The following DCHS2 variants were observed in gnomAD, a reference collection of about 807,000 sequenced individuals.
DCHS2 encodes the protein protocadherin-23.
A neutral mutation model predicts 182.4 loss-of-function variants in DCHS2; 142 were observed. The ratio of observed to expected loss-of-function variants is 0.78; its 90% confidence interval spans 0.68 to 0.89. The LOEUF (loss-of-function observed/expected upper bound fraction) is 0.89. DCHS2 is among the 40% of genes least tolerant of loss of function. The pLI is 0.00. For synonymous variants in DCHS2, 1,740 were observed against 1,663.3 expected, an observed-to-expected ratio of 1.05 and a Z score of -1.12; for missense variants, 4,319 against 4,198.6, an observed-to-expected ratio of 1.03 and a Z score of -0.79.
intron 1 of DCHS2, among the ~76,000 whole-genome samples, chr4:154,431,079 G>C (rs1733539328): frequency 6.6e-6 from 1 of 152,094 alleles, no homozygotes; most frequent in Non-Finnish European, 1.5e-5. Flanking sequence ...TTTAGAATCA[G>C]CTTGTCAAAT....
intron 1 of DCHS2, among the ~76,000 whole-genome samples, chr4:154,389,877 C>T (rs990968837): frequency 6.6e-6 from 1 of 152,026 alleles, no homozygotes; most frequent in Non-Finnish European, 1.5e-5. Context: ...CAGAGCTCCT[C>T]TCTACCAAAC....
intron 1 of DCHS2, among the ~76,000 whole-genome samples, chr4:154,446,966 A>C (rs1358019225): frequency 6.6e-6 from 1 of 152,032 alleles, no homozygotes; most frequent in Non-Finnish European, 1.5e-5. Context: ...ACACGCACAC[A>C]CACACACACA....
chr4:154,266,926 G>A (rs1487813765), intron 14 of DCHS2, among the ~76,000 whole-genome samples: 1 of 151,990 alleles, frequency 6.6e-6, no homozygotes, highest in Admixed American at 6.6e-5. Context: ...AATTCTCATT[G>A]GCCTTCAATA....
intron 1 of DCHS2, among the ~76,000 whole-genome samples, chr4:154,469,341 T>C (rs1247292919): frequency 2.0e-5 from 3 of 152,082 alleles, no homozygotes; most frequent in Non-Finnish European, 4.4e-5. Context: ...CAATAATCTA[T>C]AATTACTGGA....
chr4:154,255,763 G>A (rs1043267192), intron 15 of DCHS2, 93 bp from the exon 16 acceptor site: 4 of 1,422,204 alleles, frequency 2.8e-6, no homozygotes, highest in Non-Finnish European at 3.7e-6. Context: ...AAGAATCACA[G>A]CTTGTCAAAC....
chr4:154,475,344 A>G (rs760722268), intron 1 of DCHS2, among the ~76,000 whole-genome samples: 2 of 152,220 alleles, frequency 1.3e-5, no homozygotes, highest in Non-Finnish European at 2.9e-5. Context: ...AAAGTACCCT[A>G]TAGAGTTCTT....
At chr4:154,338,367 A>C (rs1214555153) in intron 3 of DCHS2, among the ~76,000 whole-genome samples, 2 of 152,228 alleles carry the variant, frequency 1.3e-5, no homozygotes, top group Non-Finnish European at 2.9e-5. Context: ...GGATAAGGAC[A>C]GGTAGTTTAG....
intron 1 of DCHS2, among the ~76,000 whole-genome samples, chr4:154,421,235 A>T (rs1422598044): frequency 6.6e-6 from 1 of 152,210 alleles, no homozygotes; most frequent in Non-Finnish European, 1.5e-5. Context: ...TAGTTGTAGC[A>T]TATTGCCTAA....
At position 154,459,089 on chromosome 4, in the gene DCHS2, T is replaced by C. The variant is rs1207017899; in HGVS notation, c.2052+30215A>G. Reference sequence around the variant, plus strand: ...TGCAGTTACACAATGGAGGCCAGAATTTTAAAGAACTATGAAGAATTCCTA... The same window carrying C: ...TGCAGTTACACAATGGAGGCCAGAACTTTAAAGAACTATGAAGAATTCCTA... On this transcript the variant is annotated intron_variant, in intron 1 of 19. Transcript: ENST00000357232. Among the ~76,000 whole-genome samples the C allele has an allele frequency of 2.0e-5, 3 of 152,204 alleles. No individual in the cohort carries two copies. The East Asian group carries it at 5.8e-4, about 29-fold the overall frequency.
At chr4:154,238,141 CAGAG>C (rs1202510640) in intron 19 of DCHS2, among the ~76,000 whole-genome samples, 1 of 86,706 alleles carries the variant, frequency 1.2e-5, no homozygotes. Context: ...GAGAGACAGA[CAGAG>C]AGAGAAAAGA....
At chr4:154,328,053 T>A (rs757346321) in intron 7 of DCHS2, 40 bp downstream of exon 7, 1 of 1,415,406 alleles carries the variant, frequency 7.1e-7, no homozygotes. Context: ...AAAGCAGAAA[T>A]CCTAAAAGTT....
chr4:154,428,530 C>A (rs560770268), intron 1 of DCHS2, among the ~76,000 whole-genome samples: 64 of 151,828 alleles, frequency 4.2e-4, no homozygotes, highest in Non-Finnish European at 8.2e-4. Context: ...CAAAGTGAGA[C>A]CCTGTCTAAT....
At chr4:154,257,805 AAG>A (rs1355432509) in intron 15 of DCHS2, among the ~76,000 whole-genome samples, 1 of 152,214 alleles carries the variant, frequency 6.6e-6, no homozygotes, top group Non-Finnish European at 1.5e-5. Context: ...GGAAAATGGA[AAG>A]AACAAAGTTC....
intron 3 of DCHS2, chr4:154,343,533 G>T (rs1729208846): frequency 6.6e-7 from 1 of 1,520,474 alleles, no homozygotes. Context: ...AGCACTTGCT[G>T]CTTCATCTTG....
intron 15 of DCHS2, among the ~76,000 whole-genome samples, chr4:154,257,408 C>A (rs376469855): frequency 2.6e-5 from 4 of 152,240 alleles, no homozygotes; most frequent in African/African-American, 9.6e-5. Context: ...GAATGTAAAG[C>A]ACAGCTTCTT....
chr4:154,377,337 A>G lies in DCHS2; in HGVS notation c.2160T>C (p.His720=). ...EAPQAFRIDP[H]DGQICVSQDI... ...CTTGAGAAACACAGATTTGCCCATC[A>G]TGAGGGTCGATCCGGAATGCCTGAG... The change falls in exon 2 of 20, where the codon CAT becomes CAC. Residue 720 remains histidine (H), a synonymous_variant. Transcript: ENST00000357232. The G allele has an allele frequency of 2.5e-6, 4 of 1,613,688 alleles. No individual in the cohort carries two copies. Among genetic ancestry groups the G allele is most frequent in the Non-Finnish European group, 3.4e-6 (4 of 1,179,738 alleles).
intron 1 of DCHS2, among the ~76,000 whole-genome samples, chr4:154,440,273 A>G (rs1400424490): frequency 2.6e-5 from 4 of 152,220 alleles, no homozygotes; most frequent in East Asian, 1.9e-4. Context: ...AGGCTGATGT[A>G]CTAAAAAAGT....
rs1728530647 is a variant in DCHS2, at chr4:154,332,945, AC to A, written c.3262del (p.Val1088SerfsTer13). 1 of 1,614,146 alleles carries A rather than the reference AC, an allele frequency of 6.2e-7. No homozygotes were observed. The highest frequency in any genetic ancestry group is 1.7e-5 in the Admixed American group (1 of 60,026). On this transcript the variant is annotated frameshift_variant, in exon 5 of 20. Transcript: ENST00000357232. LOFTEE classifies it high-confidence loss of function. ...HSPSWTFEHL[V>X]YQVEVSESLS... ...AGACTCACTGACTTCCACTTGATAG[AC>A]CAAATGTTCGAAAGTCCAGGATGGG...
rs562753569 is a variant in DCHS2 at position 154,491,599 on chromosome 4, C to T, written c.-244G>A. 47 of 1,337,402 alleles carry T rather than the reference C, an allele frequency of 3.5e-5. No individual in the cohort carries two copies. The African/African-American group carries it at 5.9e-4, about 17-fold the overall frequency. 82.8% of individuals were successfully genotyped at this position (1,337,402 alleles called of 1,614,324 possible). On this transcript the variant is annotated 5_prime_UTR_variant, in exon 1 of 20. Transcript: ENST00000357232. ...TCTGCCGCGGCAGCCACCTCTTCTG[C>T]CCCTGGATTTCTTTAAACGAATCTC...
Sources: allele counts gnomAD v4.1 joint callset (sites outside exome capture counted in the v4.1 genomes callset), GRCh38; gene constraint gnomAD v4.1.1; transcripts MANE v1.5; gene names NCBI Gene and HGNC (gene_info 2026-07-23, HGNC 2026-07-21).